SEC24B: variants seen among roughly 807,000 people sequenced by gnomAD.
SEC24B encodes protein transport protein Sec24B.
SEC24B carries 45 observed loss-of-function variants against 142.8 expected under a neutral mutation model. The observed-to-expected ratio is 0.32, with a 90% confidence interval of 0.25 to 0.40. The LOEUF (loss-of-function observed/expected upper bound fraction) is 0.40. Among genes scored for constraint, SEC24B ranks in the 10% least tolerant of loss-of-function variants. SEC24B has a pLI of 1.00. For missense variants in SEC24B, 1,409 were observed against 1,526.8 expected, an observed-to-expected ratio of 0.92 and a Z score of 1.29; for synonymous variants, 574 against 568.2, an observed-to-expected ratio of 1.01 and a Z score of -0.15.
intron 4 of SEC24B, among the ~76,000 whole-genome samples, chr4:109,482,164 A>G (rs1294800445): frequency 6.6e-6 from 1 of 152,228 alleles, no homozygotes; most frequent in Non-Finnish European, 1.5e-5. Context: ...ACTTTAGTCT[A>G]ATCAAAATAA....
chr4:109,460,302 A>G (rs1283689195), intron 1 of SEC24B, among the ~76,000 whole-genome samples: 3 of 152,186 alleles, frequency 2.0e-5, no homozygotes, highest in Non-Finnish European at 4.4e-5. Context: ...ATTTTAATAC[A>G]TTATTATGGC....
In SEC24B at chr4:109,513,899, T is replaced by C. The variant is rs776122448; in HGVS notation, c.2013+43T>C. 1.1e-5 allele frequency: 14 copies of C among 1,232,742 alleles called. No individual in the cohort carries two copies. In the African/African-American group the frequency reaches 1.6e-4, roughly 14 times the overall value. 76.4% of individuals were successfully genotyped at this position (1,232,742 alleles called of 1,614,324 possible). ...AGATTTGTTATGGAACACAATTACATTGGTCATTTGTAATTTTCTGTTAAG... is the reference window on the plus strand; with the variant it reads ...AGATTTGTTATGGAACACAATTACACTGGTCATTTGTAATTTTCTGTTAAG... On this transcript the variant is annotated intron_variant, in intron 10 of 23. Coordinates refer to ENST00000265175, the MANE Select transcript of SEC24B (RefSeq NM_006323.5).
intron 4 of SEC24B, among the ~76,000 whole-genome samples, chr4:109,488,264 A>G (rs1182458091): frequency 6.6e-6 from 1 of 152,096 alleles, no homozygotes; most frequent in African/African-American, 2.4e-5. Flanking sequence ...CCTTCTTCCC[A>G]TTCTACCCTC....
chr4:109,505,231 T>G (rs1172238369), intron 6 of SEC24B, among the ~76,000 whole-genome samples: 1 of 151,744 alleles, frequency 6.6e-6, no homozygotes, highest in African/African-American at 2.4e-5. Context: ...AAAATAAAAT[T>G]AAAAAACCTG....
At chr4:109,491,176 T>TA (rs2126003053) in intron 4 of SEC24B, 151 bp from the exon 5 acceptor site, 1 of 564,478 alleles carries the variant, frequency 1.8e-6, no homozygotes, top group African/African-American at 1.9e-5. Flanking sequence ...CATTGGTTTT[T>TA]AAAATGTCTC....
chr4:109,451,890 G>C (rs1372487891), intron 1 of SEC24B, among the ~76,000 whole-genome samples: 4 of 152,150 alleles, frequency 2.6e-5, no homozygotes, highest in Admixed American at 2.6e-4. Context: ...CAGTTAGACT[G>C]ATCTGTCACA....
intron 9 of SEC24B, among the ~76,000 whole-genome samples, chr4:109,512,971 C>CTTTTT (rs60804973): frequency 5.8e-5 from 6 of 103,630 alleles, no homozygotes; most frequent in South Asian, 3.1e-4. Flanking sequence ...TAAGCCTGAT[C>CTTTTT]TTTTTTTTTT....
chr4:109,534,737 G>A (rs1725320664), intron 22 of SEC24B, among the ~76,000 whole-genome samples: 1 of 152,164 alleles, frequency 6.6e-6, no homozygotes, highest in African/African-American at 2.4e-5. Context: ...ACGATTATCT[G>A]TAACTCAAAA....
chr4:109,466,596 G>C (rs1731906763), intron 2 of SEC24B, among the ~76,000 whole-genome samples: 1 of 152,150 alleles, frequency 6.6e-6, no homozygotes, highest in Admixed American at 6.5e-5. Flanking sequence ...ATTTTTAGTA[G>C]AGACAGGGTT....
intron 1 of SEC24B, among the ~76,000 whole-genome samples, chr4:109,446,603 A>G (rs1036448478): frequency 1.3e-5 from 2 of 152,212 alleles, no homozygotes; most frequent in Non-Finnish European, 2.9e-5. Context: ...CCTTAGATAT[A>G]ATGAAATACG....
intron 2 of SEC24B, among the ~76,000 whole-genome samples, chr4:109,464,127 G>A (rs1284557513): frequency 6.6e-6 from 1 of 152,094 alleles, no homozygotes; most frequent in African/African-American, 2.4e-5. Context: ...TTTCCTGCAC[G>A]TAAACAGTGT....
intron 1 of SEC24B, among the ~76,000 whole-genome samples, chr4:109,434,316 C>T (rs1482277520): frequency 6.6e-6 from 1 of 152,062 alleles, no homozygotes; most frequent in Non-Finnish European, 1.5e-5. Flanking sequence ...CGAGTAGGGG[C>T]GACTGAAAAG....
At chr4:109,465,918 T>G (rs113756500) in intron 2 of SEC24B, among the ~76,000 whole-genome samples, 1,723 of 152,292 alleles carry the variant, frequency 0.011, 27 homozygotes, top group African/African-American at 0.04. Context: ...ATGAATATAT[T>G]TTAGAATTTA....
intron 11 of SEC24B, among the ~76,000 whole-genome samples, chr4:109,519,269 G>A (rs1016574172): frequency 5.3e-5 from 8 of 152,088 alleles, no homozygotes; most frequent in African/African-American, 1.9e-4. Flanking sequence ...GTATGATATA[G>A]GAGCCACACT....
Position 109,441,831 on chromosome 4 carries a change from C to T in SEC24B, c.133+7829C>T, listed in dbSNP as rs371520951. On this transcript the variant is annotated intron_variant, in intron 1 of 23. Coordinates refer to ENST00000265175, the MANE Select transcript of SEC24B (RefSeq NM_006323.5). Reference sequence around the variant, plus strand: ...CAGTGAGATTTAATCCAGTTGTTTACATAGCCTGTGTCTGTAGGCTCTGTC... The same window carrying T: ...CAGTGAGATTTAATCCAGTTGTTTATATAGCCTGTGTCTGTAGGCTCTGTC... Among the ~76,000 whole-genome samples, 6 of 152,308 alleles carry T rather than the reference C, an allele frequency of 3.9e-5. No individual in the cohort carries two copies. The East Asian group carries it at 1.2e-3, about 29-fold the overall frequency.
chr4:109,494,096 G>A (rs1468351640), intron 5 of SEC24B, among the ~76,000 whole-genome samples: 1 of 152,116 alleles, frequency 6.6e-6, no homozygotes, highest in Non-Finnish European at 1.5e-5. Context: ...TCTCTGCTGA[G>A]AGAATTTTTT....
chr4:109,524,577 T>TAA (rs1724009912), intron 14 of SEC24B, among the ~76,000 whole-genome samples: 1 of 152,142 alleles, frequency 6.6e-6, no homozygotes, highest in African/African-American at 2.4e-5. Context: ...ATGTAGATGA[T>TAA]AAAAACCATA....
intron 1 of SEC24B, among the ~76,000 whole-genome samples, chr4:109,435,186 G>C (rs1728289094): frequency 6.6e-6 from 1 of 152,302 alleles, no homozygotes; most frequent in Non-Finnish European, 1.5e-5. Context: ...TGTATCGTTT[G>C]TCCTGAGGAT....
intron 1 of SEC24B, among the ~76,000 whole-genome samples, chr4:109,459,775 T>G (rs981162166): frequency 6.6e-6 from 1 of 152,210 alleles, no homozygotes; most frequent in African/African-American, 2.4e-5. Context: ...TCAGATCATG[T>G]AGCATGGATA....
Sources: allele counts gnomAD v4.1 joint callset (sites outside exome capture counted in the v4.1 genomes callset), GRCh38; gene constraint gnomAD v4.1.1; transcripts MANE v1.5; gene names NCBI Gene and HGNC (gene_info 2026-07-23, HGNC 2026-07-21).